The following WWOX variants were observed in gnomAD, a reference collection of about 807,000 sequenced individuals.
The protein encoded by WWOX is WW domain-containing oxidoreductase.
WWOX carries 69 observed loss-of-function variants against 46.2 expected under a neutral mutation model. The ratio of observed to expected loss-of-function variants is 1.49; its 90% CI spans 1.23 to 1.82. The LOEUF (loss-of-function observed/expected upper bound fraction) is 1.82. Among genes scored for constraint, WWOX ranks in the 40% most tolerant of loss-of-function variants. WWOX has a pLI of 0.00. For missense variants in WWOX, 919 were observed against 542.6 expected, an observed-to-expected ratio of 1.69 and a Z score of -6.89; for synonymous variants, 359 against 202.6, an observed-to-expected ratio of 1.77 and a Z score of -6.56.
At chr16:79,094,638 T>C (rs1357809623) in intron 8 of WWOX, among the ~76,000 whole-genome samples, 1 of 152,166 alleles carries the variant, frequency 6.6e-6, no homozygotes, top group Non-Finnish European at 1.5e-5. Context: ...GGTCTGTTTT[T>C]TCTTTTTTTT....
intron 1 of WWOX, among the ~76,000 whole-genome samples, chr16:78,108,045 C>T (rs1024786491): frequency 6.6e-6 from 1 of 151,824 alleles, no homozygotes; most frequent in Non-Finnish European, 1.5e-5. Context: ...TCTCCTGCCT[C>T]AGCCTCCCGA....
intron 8 of WWOX, among the ~76,000 whole-genome samples, chr16:78,900,128 G>GT (rs945552396): frequency 1.4e-4 from 8 of 58,370 alleles, no homozygotes; most frequent in East Asian, 9.5e-4. Context: ...CTTTATTACT[G>GT]TTTTTTTAAA....
intron 8 of WWOX, among the ~76,000 whole-genome samples, chr16:78,459,492 G>A (rs982065783): frequency 2.0e-5 from 3 of 152,114 alleles, no homozygotes; most frequent in African/African-American, 7.2e-5. Flanking sequence ...TGCGGTATCT[G>A]CCATTTTGCA....
At chr16:78,271,434 T>C (rs1004272166) in intron 5 of WWOX, among the ~76,000 whole-genome samples, 1 of 152,238 alleles carries the variant, frequency 6.6e-6, no homozygotes, top group African/African-American at 2.4e-5. Context: ...TGCATCACCT[T>C]GCTGGGCTGT....
At chr16:78,800,830 C>G (rs948947047) in intron 8 of WWOX, among the ~76,000 whole-genome samples, 2 of 152,164 alleles carry the variant, frequency 1.3e-5, no homozygotes, top group Non-Finnish European at 2.9e-5. Context: ...ATCTCCTCCC[C>G]AGCACTCACT....
intron 8 of WWOX, among the ~76,000 whole-genome samples, chr16:78,834,853 G>T (rs1567593140): frequency 6.6e-6 from 1 of 152,108 alleles, no homozygotes. Context: ...TTTCATGATT[G>T]TTCGTAATGA....
intron 5 of WWOX, among the ~76,000 whole-genome samples, chr16:78,276,483 C>T (rs1410218835): frequency 3.3e-5 from 5 of 152,210 alleles, no homozygotes; most frequent in African/African-American, 1.2e-4. Context: ...TTCCAGTCTC[C>T]TGATGTTTGA....
chr16:78,552,702 A>G (rs1030517401), intron 8 of WWOX: 2 of 152,228 alleles, frequency 1.3e-5, no homozygotes, highest in African/African-American at 4.8e-5. Flanking sequence ...CCTAAGAAAA[A>G]GCAGATTTTA....
intron 5 of WWOX, among the ~76,000 whole-genome samples, chr16:78,301,598 A>AACAGAAT (rs2080042173): frequency 6.6e-6 from 1 of 152,118 alleles, no homozygotes; most frequent in Admixed American, 6.6e-5. Flanking sequence ...GTTTATCTCT[A>AACAGAAT]ACAGAATAGG....
intron 4 of WWOX, among the ~76,000 whole-genome samples, chr16:78,124,891 G>T (rs2033293623): frequency 6.6e-6 from 1 of 152,140 alleles, no homozygotes; most frequent in East Asian, 1.9e-4. Context: ...GAGAGATGGG[G>T]GCGGGGAGGA....
chr16:78,682,021 T>C (rs570726589), intron 8 of WWOX, among the ~76,000 whole-genome samples: 3 of 152,330 alleles, frequency 2.0e-5, no homozygotes, highest in African/African-American at 7.2e-5. Context: ...AAAAGTCTTT[T>C]CATTTGTAAA....
intron 8 of WWOX, among the ~76,000 whole-genome samples, chr16:78,924,144 G>T (rs910388397): frequency 6.6e-6 from 1 of 152,082 alleles, no homozygotes; most frequent in African/African-American, 2.4e-5. Flanking sequence ...CATAGACAAG[G>T]CTCTGGTTAG....
intron 8 of WWOX, among the ~76,000 whole-genome samples, chr16:78,849,861 T>C (rs1049331004): frequency 6.6e-6 from 1 of 151,906 alleles, no homozygotes; most frequent in Non-Finnish European, 1.5e-5. Flanking sequence ...TCACCTAAGG[T>C]TGGGAGTTCG....
rs1006190110 is a variant in WWOX at position 78,911,316 on chromosome 16, T to G, written c.1057-300292T>G. Among the ~76,000 whole-genome samples the G allele has an allele frequency of 4.6e-5, 7 of 152,122 alleles. 1 individual carries two copies. The highest frequency in any genetic ancestry group is 2.6e-4 in the Admixed American group (4 of 15,270). On this transcript the variant is annotated intron_variant, in intron 8 of 8. Coordinates refer to ENST00000566780, the MANE Select transcript of WWOX (RefSeq NM_016373.4). ...GACATGTTCCCATTTCAGTGCATAC[T>G]TGACCTTTACCATAAATCACATATT...
chr16:79,130,623 C>G (rs2049857672), intron 8 of WWOX, among the ~76,000 whole-genome samples: 1 of 152,166 alleles, frequency 6.6e-6, no homozygotes, highest in Non-Finnish European at 1.5e-5. Flanking sequence ...AGTTGAAACT[C>G]CTATGCTGAT....
chr16:78,818,868 G>C (rs143619871), intron 8 of WWOX, among the ~76,000 whole-genome samples: 77 of 152,324 alleles, frequency 5.1e-4, no homozygotes, highest in Admixed American at 3.0e-3. Context: ...TTAGCACTGA[G>C]AGAGGGAATG....
chr16:78,660,385 A>G (rs1409926013), intron 8 of WWOX, among the ~76,000 whole-genome samples: 2 of 152,122 alleles, frequency 1.3e-5, no homozygotes, highest in African/African-American at 4.8e-5. Context: ...AGGAAATTGG[A>G]GACATTGATA....
intron 8 of WWOX, among the ~76,000 whole-genome samples, chr16:78,527,444 C>T (rs146086313): frequency 0.011 from 1,749 of 152,112 alleles, 14 homozygotes; most frequent in African/African-American, 0.021. Context: ...TAGGCATCCA[C>T]CATCACACCT....
At chr16:78,983,973 G>C (rs2046734926) in intron 8 of WWOX, among the ~76,000 whole-genome samples, 1 of 136,176 alleles carries the variant, frequency 7.3e-6, no homozygotes, top group African/African-American at 2.7e-5. Flanking sequence ...TGCATCCCAG[G>C]TTCACGCTAT....
Sources: gnomAD v4.1 joint callset for allele counts (sites outside exome capture counted in the v4.1 genomes callset) on GRCh38, gnomAD v4.1.1 for gene constraint, MANE v1.5 for transcripts, NCBI Gene and HGNC (gene_info 2026-07-23, HGNC 2026-07-21) for gene names.